PLAAT1: variants seen among roughly 807,000 people sequenced by gnomAD.
PLAAT1 encodes H-REV107 protein-related protein.
A neutral mutation model predicts 16.4 loss-of-function variants in PLAAT1; 13 were observed. The ratio of observed to expected loss-of-function variants is 0.79; its 90% CI spans 0.52 to 1.26. The LOEUF (loss-of-function observed/expected upper bound fraction) is 1.26. Among genes scored for constraint, PLAAT1 ranks in the 50% most tolerant of loss-of-function variants. The probability of loss-of-function intolerance (pLI) is 0.00; values close to 1 mark genes in which losing one functional copy is unlikely to be tolerated. For missense variants in PLAAT1, 218 were observed against 207.8 expected, an observed-to-expected ratio of 1.05 and a Z score of -0.30; for synonymous variants, 73 against 78.4, an observed-to-expected ratio of 0.93 and a Z score of 0.36.
At chr3:193,264,567 G>A (rs190741773) in intron 3 of PLAAT1, among the ~76,000 whole-genome samples, 4 of 151,432 alleles carry the variant, frequency 2.6e-5, no homozygotes, top group East Asian at 1.9e-4. Context: ...GCAGTGGCAC[G>A]ATCTCAGCTC....
chr3:193,263,760 A>G (rs1353636215), intron 3 of PLAAT1, among the ~76,000 whole-genome samples: 1 of 152,156 alleles, frequency 6.6e-6, no homozygotes, highest in Admixed American at 6.5e-5. Flanking sequence ...CCTTTGATTC[A>G]CTGAGCTTTT....
intron 2 of PLAAT1, among the ~76,000 whole-genome samples, chr3:193,262,341 C>CTTT (rs770490913): frequency 3.7e-5 from 2 of 53,910 alleles, no homozygotes; most frequent in African/African-American, 8.0e-5. Flanking sequence ...ACTTAGGGGG[C>CTTT]TTTTTTTTTT....
intron 1 of PLAAT1, among the ~76,000 whole-genome samples, chr3:193,249,841 T>G (rs930412984): frequency 2.0e-5 from 3 of 152,058 alleles, no homozygotes; most frequent in African/African-American, 7.2e-5. Flanking sequence ...ATGGTTTGTT[T>G]GGTACTTTTT....
intron 3 of PLAAT1, among the ~76,000 whole-genome samples, chr3:193,269,020 G>A (rs1716880860): frequency 6.6e-6 from 1 of 151,610 alleles, no homozygotes; most frequent in Non-Finnish European, 1.5e-5. Flanking sequence ...ACCTTCTTGG[G>A]ATCTCACTAT....
intron 1 of PLAAT1, among the ~76,000 whole-genome samples, chr3:193,251,691 A>T (rs1716196693): frequency 2.0e-5 from 3 of 152,150 alleles, no homozygotes; most frequent in African/African-American, 7.2e-5. Context: ...TCCTGATTAT[A>T]AGGCTCTGTG....
rs543829570 is a variant in PLAAT1 at position 193,250,798 on chromosome 3, T to C, written c.1-4853T>C. 1.2e-3 allele frequency among the ~76,000 whole-genome samples: 185 copies of C among 152,178 alleles called. 2 individuals are homozygous for C. Among genetic ancestry groups the C allele is most frequent in the African/African-American group, 4.3e-3 (179 of 41,514 alleles). ...GGGAAGGTGCAAGGAGTGCCCACTT[T>C]CCCTTTCAGACATGAAGAAGCCCCT... On this transcript the variant is annotated intron_variant, in intron 1 of 3. Coordinates refer to ENST00000264735, the MANE Select transcript of PLAAT1 (RefSeq NM_020386.5).
intron 1 of PLAAT1, among the ~76,000 whole-genome samples, chr3:193,253,635 A>T (rs538469452): frequency 6.6e-6 from 1 of 152,100 alleles, no homozygotes; most frequent in Non-Finnish European, 1.5e-5. Context: ...GAGGAAACAG[A>T]CTAAGTTCCA....
intron 3 of PLAAT1, among the ~76,000 whole-genome samples, chr3:193,266,193 T>C (rs77964709): frequency 0.016 from 2,499 of 152,212 alleles, 25 homozygotes; most frequent in Middle Eastern, 0.037. Flanking sequence ...ATTGTGATGA[T>C]GGTTTCATGG....
At chr3:193,279,724 T>C (rs555866158), downstream of PLAAT1, among the ~76,000 whole-genome samples, 14 of 152,250 alleles carry the variant, frequency 9.2e-5, no homozygotes, top group East Asian at 2.7e-3. Flanking sequence ...GCACTATCAC[T>C]GCGTGTCCAG....
At chr3:193,269,958 G>A (rs1716926046) in intron 3 of PLAAT1, among the ~76,000 whole-genome samples, 1 of 151,934 alleles carries the variant, frequency 6.6e-6, no homozygotes, top group Non-Finnish European at 1.5e-5. Flanking sequence ...ATCAGTATTG[G>A]CTTTTTTTGA....
chr3:193,260,244 A>G (rs890390433), intron 2 of PLAAT1, among the ~76,000 whole-genome samples: 1 of 152,188 alleles, frequency 6.6e-6, no homozygotes, highest in African/African-American at 2.4e-5. Flanking sequence ...AACTCAAACT[A>G]TAAAAGTCCC....
At chr3:193,250,054 G>A (rs760226754) in intron 1 of PLAAT1, among the ~76,000 whole-genome samples, 51 of 151,768 alleles carry the variant, frequency 3.4e-4, no homozygotes, top group Non-Finnish European at 3.2e-4. Flanking sequence ...ATTTTCCTCC[G>A]TTCCCTATGT....
intron 1 of PLAAT1, 106 bp from the exon 2 acceptor site, chr3:193,255,545 T>C: frequency 9.1e-7 from 1 of 1,098,194 alleles, no homozygotes; most frequent in Non-Finnish European, 1.3e-6. Flanking sequence ...TAATATAGAA[T>C]GCAGTCTCAA....
chr3:193,243,755 C>T (rs1715868812), intron 1 of PLAAT1, among the ~76,000 whole-genome samples: 1 of 152,186 alleles, frequency 6.6e-6, no homozygotes, highest in Non-Finnish European at 1.5e-5. Flanking sequence ...TCAGTTTCCT[C>T]ATCTGTAAAA....
At chr3:193,271,479 C>A (rs1194091796), downstream of PLAAT1, among the ~76,000 whole-genome samples, 1 of 152,114 alleles carries the variant, frequency 6.6e-6, no homozygotes, top group Non-Finnish European at 1.5e-5. Context: ...ATTTTTAAGA[C>A]TTTTTTACAA....
At chr3:193,277,676 GTAAAGGGTTGTTTGGAT>G (rs1717285449) in exon 3 of PLAAT1, 1 of 152,168 alleles carries the variant, frequency 6.6e-6, no homozygotes, top group Admixed American at 6.5e-5. Context: ...ACAGCAAATT[GTAAAGGGTTGTTTGGAT>G]TAAAGGGTTG....
At chr3:193,240,988 C>A (rs888712704), upstream of PLAAT1, 2 of 354,370 alleles carry the variant, frequency 5.6e-6, no homozygotes, top group Non-Finnish European at 1.0e-5. Flanking sequence ...GCGGGAACGT[C>A]CGAGACGCGG....
chr3:193,244,199 G>T (rs1715886239), intron 1 of PLAAT1, among the ~76,000 whole-genome samples: 1 of 152,078 alleles, frequency 6.6e-6, no homozygotes, highest in Non-Finnish European at 1.5e-5. Flanking sequence ...AAGCTTTTGT[G>T]TGCAGGTTTT....
At chr3:193,255,882 C>G (rs920311197) in intron 2 of PLAAT1, 93 bp downstream of exon 2, 1 of 1,149,228 alleles carries the variant, frequency 8.7e-7, no homozygotes, top group African/African-American at 1.6e-5. Flanking sequence ...AAAACAAAAT[C>G]GAAATAAAAT....
Sources: gnomAD v4.1 joint callset for allele counts (sites outside exome capture counted in the v4.1 genomes callset) on GRCh38, gnomAD v4.1.1 for gene constraint, MANE v1.5 for transcripts, NCBI Gene and HGNC (gene_info 2026-07-23, HGNC 2026-07-21) for gene names.